FAAH2: variants seen among roughly 807,000 people sequenced by gnomAD.
The protein encoded by FAAH2 is fatty acid amide hydrolase 2.
Under a neutral mutation model 36.9 loss-of-function variants are expected in FAAH2, and 60 were observed. The ratio of observed to expected loss-of-function variants is 1.63; its 90% CI spans 1.32 to 2.02. FAAH2 has a LOEUF of 2.02. Ranked by LOEUF, FAAH2 falls within the 30% of genes most tolerant of loss-of-function variation. The pLI is 0.00. For synonymous variants in FAAH2, 214 were observed against 143.8 expected (o/e 1.49, Z -3.49); for missense variants, 689 against 397.5 (o/e 1.73, Z -6.23).
At chrX:57,261,029 C>A in the FAAH2 span, among the ~76,000 whole-genome samples, 1 of 111,550 alleles carries the variant, frequency 9.0e-6, no homozygotes, top group South Asian at 3.7e-4. Context: ...AAAACCCAAT[C>A]TTCTAGATGT....
chrX:57,218,103 T>A, the FAAH2 span, among the ~76,000 whole-genome samples: 2 of 111,718 alleles, frequency 1.8e-5, no homozygotes, highest in Admixed American at 9.5e-5. Context: ...TCTGGAGGAG[T>A]CCTTAGGATT....
chrX:57,482,344 C>T (rs1007831266), intron 10 of FAAH2, among the ~76,000 whole-genome samples: 4 of 111,741 alleles, frequency 3.6e-5, no homozygotes, highest in Admixed American at 9.5e-5. Flanking sequence ...TCAAAACAGC[C>T]ACCCAGTTTT....
chrX:57,419,380 T>C lies in FAAH2; in HGVS notation c.997-12538T>C, dbSNP rs1347874516. Among the ~76,000 whole-genome samples, 5 of 111,377 alleles carry C rather than the reference T, an allele frequency of 4.5e-5. No individual in the cohort carries two copies. The East Asian group carries it at 1.4e-3, about 32-fold the overall frequency. On this transcript the variant is annotated intron_variant, in intron 7 of 10. Transcript: ENST00000374900. ...TTCTCCACATCCTCTCCAGCACCTGTTGTTTCCTGGCTTTTTAATGATTGC... is the reference window on the plus strand; with the variant it reads ...TTCTCCACATCCTCTCCAGCACCTGCTGTTTCCTGGCTTTTTAATGATTGC...
At chrX:57,380,394 C>G (rs2054811146) in intron 6 of FAAH2, among the ~76,000 whole-genome samples, 1 of 111,497 alleles carries the variant, frequency 9.0e-6, no homozygotes, top group South Asian at 3.8e-4. Context: ...TTTCAGATAA[C>G]TGAGACTCAA....
the FAAH2 span, among the ~76,000 whole-genome samples, chrX:57,227,563 A>C: frequency 9.0e-6 from 1 of 111,225 alleles, no homozygotes; most frequent in Non-Finnish European, 1.9e-5. Context: ...CACAAGGGGC[A>C]ATGGACTCCA....
At chrX:57,249,711 T>G in the FAAH2 span, among the ~76,000 whole-genome samples, 1 of 112,033 alleles carries the variant, frequency 8.9e-6, no homozygotes, top group Non-Finnish European at 1.9e-5. Context: ...GTAGCTGGAC[T>G]CCAGTTTTTT....
At chrX:57,418,812 T>A (rs2147063795) in intron 7 of FAAH2, among the ~76,000 whole-genome samples, 1 of 108,133 alleles carries the variant, frequency 9.2e-6, no homozygotes, top group South Asian at 4.2e-4. Context: ...GCCGGTGTGC[T>A]GCACCCATTA....
At chrX:57,462,484 G>A (rs780489386) in intron 10 of FAAH2, among the ~76,000 whole-genome samples, 2 of 111,676 alleles carry the variant, frequency 1.8e-5, no homozygotes, top group African/African-American at 3.3e-5. Context: ...TTCATAACTG[G>A]GATGCAAGGC....
chrX:57,348,581 C>T (rs140267137), intron 5 of FAAH2, among the ~76,000 whole-genome samples: 1 of 111,126 alleles, frequency 9.0e-6, no homozygotes, highest in African/African-American at 3.3e-5. Flanking sequence ...ACCGCTGAAG[C>T]CTGAAGACAG....
chrX:57,381,077 T>C (rs1177739330), intron 7 of FAAH2, 48 bp downstream of exon 7: 1 of 959,120 alleles, frequency 1.0e-6, no homozygotes, highest in Non-Finnish European at 1.5e-6. Context: ...GTCAAAGAGA[T>C]ATCCTTCTGA....
At chrX:57,209,564 A>G in the FAAH2 span, among the ~76,000 whole-genome samples, 1 of 111,342 alleles carries the variant, frequency 9.0e-6, no homozygotes, top group East Asian at 2.9e-4. Flanking sequence ...AAATGCAAGA[A>G]AAAGTCCTCC....
chrX:57,453,079 A>G (rs1569356163), intron 10 of FAAH2, among the ~76,000 whole-genome samples: 1 of 111,665 alleles, frequency 9.0e-6, no homozygotes, highest in Non-Finnish European at 1.9e-5. Flanking sequence ...TGGAAGTTCT[A>G]AACAAGGTCA....
the FAAH2 span, among the ~76,000 whole-genome samples, chrX:57,276,980 G>A: frequency 9.0e-5 from 10 of 110,817 alleles, no homozygotes; most frequent in Non-Finnish European, 1.5e-4. Flanking sequence ...ATTCACAGCC[G>A]AATTCTACCA....
intron 7 of FAAH2, among the ~76,000 whole-genome samples, chrX:57,420,931 G>T (rs780689729): frequency 8.9e-6 from 1 of 112,084 alleles, no homozygotes; most frequent in South Asian, 3.7e-4. Flanking sequence ...TTAGCATGAA[G>T]GGTTGTTGAA....
At chrX:57,166,332 G>A in the FAAH2 span, among the ~76,000 whole-genome samples, 1 of 111,888 alleles carries the variant, frequency 8.9e-6, no homozygotes, top group South Asian at 3.8e-4. Context: ...CTGTCCTTGT[G>A]ATAAGGCAGA....
intron 4 of FAAH2, among the ~76,000 whole-genome samples, chrX:57,336,276 A>G (rs75207531): frequency 9.1e-6 from 1 of 110,019 alleles, no homozygotes; most frequent in Non-Finnish European, 1.9e-5. Context: ...CCAGAGAAGA[A>G]CCCCTCTTTG....
At chrX:57,263,705 A>G in the FAAH2 span, among the ~76,000 whole-genome samples, 1 of 112,062 alleles carries the variant, frequency 8.9e-6, no homozygotes, top group Non-Finnish European at 1.9e-5. Context: ...CAATTTATGT[A>G]TATACAATTG....
At chrX:57,209,708 G>A in the FAAH2 span, among the ~76,000 whole-genome samples, 57 of 111,433 alleles carry the variant, frequency 5.1e-4, no homozygotes, top group Admixed American at 3.9e-3. Context: ...GGTCATCTGC[G>A]CCACCTGCAA....
the FAAH2 span, among the ~76,000 whole-genome samples, chrX:57,181,641 A>G: frequency 0.42 from 46,167 of 111,052 alleles, 8,971 homozygotes; most frequent in African/African-American, 0.75. Context: ...TATGTTAAAA[A>G]TGGCTATTTG....
Sources: gnomAD v4.1 joint callset for allele counts (sites outside exome capture counted in the v4.1 genomes callset) on GRCh38, gnomAD v4.1.1 for gene constraint, MANE v1.5 for transcripts, NCBI Gene and HGNC (gene_info 2026-07-23, HGNC 2026-07-21) for gene names.